Variants in TMEM50B observed in about 807,000 individuals in gnomAD.
TMEM50B encodes the protein transmembrane protein 50B.
A neutral mutation model predicts 23.4 loss-of-function variants in TMEM50B; 14 were observed. That is an observed-to-expected ratio of 0.60 (90% CI 0.39 to 0.93). TMEM50B has a LOEUF of 0.93. Among genes scored for constraint, TMEM50B ranks in the 40% least tolerant of loss-of-function variants. The pLI, the probability that TMEM50B is intolerant of heterozygous loss-of-function variation, is 0.00. For synonymous variants in TMEM50B, 64 were observed against 62.3 expected (o/e 1.03, Z -0.13); for missense variants, 159 against 193.0 (o/e 0.82, Z 1.04).
At chr21:33,457,153 T>C (rs899852556) in intron 5 of TMEM50B, among the ~76,000 whole-genome samples, 13 of 151,606 alleles carry the variant, frequency 8.6e-5, no homozygotes, top group African/African-American at 2.4e-4. Flanking sequence ...ACTTGGGAGA[T>C]TGAGACAGGA....
Position 33,449,467 on chromosome 21 carries a change from T to C in TMEM50B, c.*1351A>G, listed in dbSNP as rs925854729. On this transcript the variant is annotated 3_prime_UTR_variant, in exon 7 of 7. Transcript: ENST00000542230. ...GAGAAAAAGTGCAACACAAAATCTG[T>C]GTAACAAAGGAAAGCAAAAGTAGCA... 9 of 152,476 alleles carry C rather than the reference T, an allele frequency of 5.9e-5. No homozygotes were observed. Among genetic ancestry groups the C allele is most frequent in the Non-Finnish European group, 4.4e-5 (3 of 68,028 alleles). The allele number at this position is 152,476 out of a possible 1,614,324, so 9.4% of individuals were successfully genotyped here. A position where few individuals can be genotyped will look rare whatever the true frequency, so the allele number is the denominator to read the frequency against.
chr21:33,434,395 G>A (rs182524927), intron 8 of TMEM50B, among the ~76,000 whole-genome samples: 6 of 152,178 alleles, frequency 3.9e-5, no homozygotes, highest in South Asian at 4.1e-4. Flanking sequence ...GGTGGTGGGC[G>A]CCTGTAATCC....
Position 33,436,924 on chromosome 21 carries a change from C to A in TMEM50B, c.*2120+2290G>T, listed in dbSNP as rs778570340. 4.3e-6 allele frequency: 7 copies of A among 1,613,870 alleles called. No homozygotes were observed. In the Admixed American group the frequency reaches 8.3e-5, roughly 19 times the overall value. On this transcript the variant is annotated intron_variant and NMD_transcript_variant, in intron 8 of 8. Coordinates refer to the TMEM50B transcript ENST00000420455. ...GGACTCTGTGTCCATTATCTCGTTT[C>A]CGGAAAAGGAGCAAGAAGATGTTCT...
At chr21:33,466,266 C>CA (rs1291508629) in intron 3 of TMEM50B, among the ~76,000 whole-genome samples, 2 of 151,608 alleles carry the variant, frequency 1.3e-5, no homozygotes, top group African/African-American at 2.4e-5. Context: ...GTCTCAAAAA[C>CA]AAAAAAACCT....
chr21:33,450,802 G>T lies in TMEM50B; in HGVS notation c.*16C>A. 6.2e-7 allele frequency: 1 copy of T among 1,606,144 alleles called. No homozygotes were observed. Among genetic ancestry groups the T allele is most frequent in the Non-Finnish European group, 8.5e-7 (1 of 1,175,674 alleles). On this transcript the variant is annotated 3_prime_UTR_variant, in exon 7 of 7. Transcript: ENST00000542230. ...ACAGAATATAACAAAAGGAAAATGT[G>T]ACTTAAGAAGTGATCTCAGGTCCAT...
chr21:33,446,180 A>G (rs2123403808), downstream of TMEM50B, among the ~76,000 whole-genome samples: 1 of 152,076 alleles, frequency 6.6e-6, no homozygotes, highest in Non-Finnish European at 1.5e-5. Context: ...TATCTATTCT[A>G]AAGCCACCAT....
chr21:33,436,211 A>T (rs997742481), intron 8 of TMEM50B, among the ~76,000 whole-genome samples: 4 of 148,048 alleles, frequency 2.7e-5, no homozygotes, highest in Non-Finnish European at 6.0e-5. Context: ...CAAAATTAGC[A>T]GGGTGTGGTG....
intron 1 of TMEM50B, among the ~76,000 whole-genome samples, chr21:33,473,317 G>A (rs188719702): frequency 3.9e-5 from 6 of 151,970 alleles, no homozygotes; most frequent in Admixed American, 2.6e-4. Context: ...TCTGGGCATG[G>A]TGGCCCTTAC....
At chr21:33,471,845 C>G (rs1038171294) in intron 1 of TMEM50B, among the ~76,000 whole-genome samples, 3 of 151,424 alleles carry the variant, frequency 2.0e-5, no homozygotes, top group Admixed American at 2.0e-4. Context: ...ACCATCCTGA[C>G]TAACATGGTG....
chr21:33,444,673 C>T (rs1390169632), downstream of TMEM50B, among the ~76,000 whole-genome samples: 1 of 151,876 alleles, frequency 6.6e-6, no homozygotes, highest in Non-Finnish European at 1.5e-5. Context: ...ACTATAGTCC[C>T]AGCTACTCGG....
chr21:33,456,329 G>A (rs534119388), intron 5 of TMEM50B, among the ~76,000 whole-genome samples: 1 of 152,240 alleles, frequency 6.6e-6, no homozygotes, highest in Admixed American at 6.5e-5. Context: ...GTCCCAAGTG[G>A]ATGGGACTAC....
chr21:33,451,564 GA>G (rs2084120404), intron 6 of TMEM50B, among the ~76,000 whole-genome samples: 1 of 152,178 alleles, frequency 6.6e-6, no homozygotes, highest in African/African-American at 2.4e-5. Flanking sequence ...TCCAAAAGAA[GA>G]GGGGGAATTA....
intron 5 of TMEM50B, among the ~76,000 whole-genome samples, chr21:33,459,667 CA>C (rs34183635): frequency 1.3e-3 from 162 of 123,986 alleles, no homozygotes; most frequent in African/African-American, 6.6e-4. Context: ...GACTCCGTCT[CA>C]AAAAAAAAAA....
At chr21:33,438,491 G>A (rs1405539091) in intron 8 of TMEM50B, among the ~76,000 whole-genome samples, 1 of 151,882 alleles carries the variant, frequency 6.6e-6, no homozygotes, top group East Asian at 2.0e-4. Context: ...TTGTTCAAAG[G>A]ATATGTATTT....
At chr21:33,448,548 T>G (rs2084087078), downstream of TMEM50B, among the ~76,000 whole-genome samples, 1 of 151,924 alleles carries the variant, frequency 6.6e-6, no homozygotes, top group Non-Finnish European at 1.5e-5. Flanking sequence ...TGGCACGATT[T>G]TGGCTCACTG....
In TMEM50B at chr21:33,460,496, A is replaced by G. The variant is rs773865432; in HGVS notation, c.290T>C (p.Val97Ala). 3.7e-6 allele frequency: 6 copies of G among 1,608,156 alleles called. No individual in the cohort carries two copies. The African/African-American group carries it at 8.1e-5, about 22-fold the overall frequency. ...SGCLGRTGAR[V>A]WLFIGFMLMF... ...CAACATGAAACCAATGAAAAGCCAA[A>G]CTCGAGCACCTGTGTAGAGAAGAGG... Residue 97 changes from valine (V) to alanine (A), a missense_variant, in exon 5 of 7, where the codon GTT (valine) becomes GCT (alanine). Coordinates refer to ENST00000542230, the MANE Select transcript of TMEM50B (RefSeq NM_006134.7).
intron 6 of TMEM50B, among the ~76,000 whole-genome samples, chr21:33,454,838 A>G (rs1240621549): frequency 6.6e-6 from 1 of 152,120 alleles, no homozygotes; most frequent in Non-Finnish European, 1.5e-5. Context: ...TAAAATGGGA[A>G]TAACACTGGG....
intron 4 of TMEM50B, 151 bp downstream of exon 4, chr21:33,465,187 GGATT>G: frequency 1.9e-6 from 1 of 519,604 alleles, no homozygotes; most frequent in East Asian, 3.1e-5. Context: ...ACTTTCTTAA[GGATT>G]TGAATAACAC....
At chr21:33,457,638 T>G in intron 5 of TMEM50B, among the ~76,000 whole-genome samples, 1 of 111,788 alleles carries the variant, frequency 8.9e-6, no homozygotes, top group African/African-American at 3.5e-5. Flanking sequence ...GCGACAAGAG[T>G]GAAACTCCAA....
Sources: gnomAD v4.1 joint callset for allele counts (sites outside exome capture counted in the v4.1 genomes callset) on GRCh38, gnomAD v4.1.1 for gene constraint, MANE v1.5 for transcripts, NCBI Gene and HGNC (gene_info 2026-07-23, HGNC 2026-07-21) for gene names.